NLGN1: variants seen among roughly 807,000 people sequenced by gnomAD.
The protein encoded by NLGN1 is neuroligin-1.
Under a neutral mutation model 65.5 loss-of-function variants are expected in NLGN1, and 12 were observed. That is an observed-to-expected ratio of 0.18 (90% CI 0.12 to 0.30). The LOEUF (loss-of-function observed/expected upper bound fraction) is 0.30. Ranked by LOEUF, NLGN1 falls within the 10% of genes least tolerant of loss-of-function variation. NLGN1 has a pLI of 1.00. For missense variants in NLGN1, 750 were observed against 1,007.1 expected, an observed-to-expected ratio of 0.74 and a Z score of 3.46; for synonymous variants, 350 against 359.5, an observed-to-expected ratio of 0.97 and a Z score of 0.30.
At chr3:173,498,503 G>A (rs993236460) in intron 2 of NLGN1, among the ~76,000 whole-genome samples, 15 of 151,680 alleles carry the variant, frequency 9.9e-5, no homozygotes, top group South Asian at 2.1e-4. Context: ...GAATAGTGCC[G>A]CAATAAACAT....
At chr3:174,025,624 G>C in intron 4 of NLGN1, among the ~76,000 whole-genome samples, 1 of 152,144 alleles carries the variant, frequency 6.6e-6, no homozygotes, top group East Asian at 1.9e-4. Context: ...AAACTTGCTA[G>C]TAAATAGGAA....
chr3:174,076,714 AGAGAGAGAGAGTGTGT>A lies in NLGN1; in HGVS notation c.647-198599_647-198584del, dbSNP rs1464064406. On this transcript the variant is annotated intron_variant, in intron 4 of 6. Coordinates refer to ENST00000457714, the Ensembl canonical transcript of NLGN1. ...GAGAGAGAGAGAGAGAGAGAGAGAG[AGAGAGAGAGAGTGTGT>A]GTGTGTGTGTGTGTGTGTGTGTGTG... Among the ~76,000 whole-genome samples, 366 of 135,448 alleles carry A rather than the reference AGAGAGAGAGAGTGTGT, an allele frequency of 2.7e-3. 1 individual carries two copies. The highest frequency in any genetic ancestry group is 9.7e-3 in the African/African-American group (326 of 33,688). 88.9% of individuals were successfully genotyped at this position (135,448 alleles called of 152,430 possible).
chr3:173,527,346 A>T (rs1200981492), intron 2 of NLGN1, among the ~76,000 whole-genome samples: 1 of 152,142 alleles, frequency 6.6e-6, no homozygotes, highest in African/African-American at 2.4e-5. Context: ...ATTGTTTGCC[A>T]TTTGTATGTC....
intron 3 of NLGN1, among the ~76,000 whole-genome samples, chr3:173,745,322 C>T (rs1016725545): frequency 4.6e-5 from 7 of 152,066 alleles, no homozygotes; most frequent in African/African-American, 1.7e-4. Context: ...TGAACTCACC[C>T]CCAAAATGTT....
At chr3:173,950,398 G>A (rs536152676) in intron 4 of NLGN1, among the ~76,000 whole-genome samples, 12 of 152,300 alleles carry the variant, frequency 7.9e-5, no homozygotes, top group African/African-American at 2.9e-4. Context: ...TACTAGGTTG[G>A]TGCAAAAGTC....
chr3:173,536,780 T>C (rs772617698), intron 2 of NLGN1, among the ~76,000 whole-genome samples: 14 of 152,094 alleles, frequency 9.2e-5, no homozygotes, highest in Admixed American at 4.6e-4. Flanking sequence ...TGTGTGTGTG[T>C]GCGTAGGGAG....
intron 2 of NLGN1, among the ~76,000 whole-genome samples, chr3:173,602,594 A>G (rs1389004025): frequency 1.3e-5 from 2 of 152,056 alleles, no homozygotes; most frequent in Non-Finnish European, 2.9e-5. Flanking sequence ...TTATTTTGTT[A>G]ATAACAAAAC....
chr3:174,239,199 GC>G (rs2152828371), intron 4 of NLGN1, among the ~76,000 whole-genome samples: 1 of 152,196 alleles, frequency 6.6e-6, no homozygotes, highest in South Asian at 2.1e-4. Context: ...CTCCCAAGTA[GC>G]TGGGATTACA....
intron 4 of NLGN1, among the ~76,000 whole-genome samples, chr3:174,022,541 C>A (rs933494634): frequency 6.6e-5 from 10 of 152,078 alleles, no homozygotes; most frequent in Non-Finnish European, 1.3e-4. Context: ...TTGAAACAAT[C>A]CTATTGACAA....
At chr3:174,073,758 C>A (rs1740367626) in intron 4 of NLGN1, among the ~76,000 whole-genome samples, 1 of 152,198 alleles carries the variant, frequency 6.6e-6, no homozygotes, top group Non-Finnish European at 1.5e-5. Flanking sequence ...GACACACTTA[C>A]CTGAATCATA....
At chr3:174,036,711 C>T (rs1731211916) in intron 4 of NLGN1, among the ~76,000 whole-genome samples, 1 of 151,424 alleles carries the variant, frequency 6.6e-6, no homozygotes, top group Non-Finnish European at 1.5e-5. Context: ...AGGTATTAAG[C>T]CTAGTCCCCA....
At chr3:173,605,631 G>T in intron 3 of NLGN1, 38 bp downstream of exon 3, 1 of 1,025,226 alleles carries the variant, frequency 9.8e-7, no homozygotes, top group Non-Finnish European at 1.3e-6. Context: ...GGGGGAAAAA[G>T]CTTGCAGAGG....
chr3:174,092,303 T>C (rs1475989940), intron 4 of NLGN1, among the ~76,000 whole-genome samples: 1 of 152,066 alleles, frequency 6.6e-6, no homozygotes, highest in Non-Finnish European at 1.5e-5. Context: ...CCAAGTATGA[T>C]AGAAAATAAA....
chr3:173,453,100 C>CTT (rs536453214), intron 2 of NLGN1, among the ~76,000 whole-genome samples: 3,745 of 141,686 alleles, frequency 0.026, 167 homozygotes, highest in African/African-American at 0.088. Context: ...CTTTTCTTTT[C>CTT]TTTTTTTTTT....
intron 4 of NLGN1, among the ~76,000 whole-genome samples, chr3:173,820,443 A>C (rs921538938): frequency 6.6e-6 from 1 of 152,154 alleles, no homozygotes; most frequent in Non-Finnish European, 1.5e-5. Context: ...TAGTGTTGAA[A>C]TGCTACTTTT....
intron 4 of NLGN1, among the ~76,000 whole-genome samples, chr3:174,044,463 C>T (rs1733072630): frequency 6.6e-6 from 1 of 152,178 alleles, no homozygotes; most frequent in South Asian, 2.1e-4. Flanking sequence ...AATCATCCCT[C>T]TCCAGTTCAA....
chr3:174,139,404 T>C (rs917595695), intron 4 of NLGN1, among the ~76,000 whole-genome samples: 2 of 152,184 alleles, frequency 1.3e-5, no homozygotes, highest in African/African-American at 4.8e-5. Flanking sequence ...AACTTAGTGA[T>C]ATGCATTTAA....
intron 4 of NLGN1, among the ~76,000 whole-genome samples, chr3:173,997,853 T>C (rs779565957): frequency 6.6e-6 from 1 of 152,188 alleles, no homozygotes; most frequent in Non-Finnish European, 1.5e-5. Context: ...AACCAGATTC[T>C]AGTATTTTGG....
chr3:174,002,917 C>T (rs1240983041), intron 4 of NLGN1, among the ~76,000 whole-genome samples: 1 of 152,118 alleles, frequency 6.6e-6, no homozygotes, highest in Non-Finnish European at 1.5e-5. Context: ...AGGATAAAGT[C>T]GTGAGTAGTC....
Sources: allele counts gnomAD v4.1 joint callset (sites outside exome capture counted in the v4.1 genomes callset), GRCh38; gene constraint gnomAD v4.1.1; transcripts MANE v1.5; gene names NCBI Gene and HGNC (gene_info 2026-07-23, HGNC 2026-07-21).